The following ACACA variants were observed in gnomAD, a reference collection of about 807,000 sequenced individuals.
ACACA encodes acetyl-CoA carboxylase 1.
Under a neutral mutation model 296.1 loss-of-function variants are expected in ACACA, and 103 were observed. The observed-to-expected ratio is 0.35, with a 90% confidence interval of 0.30 to 0.41. ACACA has a LOEUF of 0.41. ACACA is among the 10% of genes least tolerant of loss of function. The pLI, the probability that ACACA is intolerant of heterozygous loss-of-function variation, is 1.00. For synonymous variants in ACACA, 953 were observed against 1,038.6 expected (o/e 0.92, Z 1.58); for missense variants, 1,554 against 2,989.7 (o/e 0.52, Z 11.20).
At chr17:37,355,183 C>T (rs931832172) in intron 1 of ACACA, among the ~76,000 whole-genome samples, 3 of 150,880 alleles carry the variant, frequency 2.0e-5, no homozygotes, top group Non-Finnish European at 1.5e-5. Flanking sequence ...GCGGTGGTTG[C>T]AGTGAGCCGA....
chr17:37,286,546 G>T (rs1466426411), intron 3 of ACACA, among the ~76,000 whole-genome samples: 3 of 152,156 alleles, frequency 2.0e-5, no homozygotes, highest in African/African-American at 7.2e-5. Flanking sequence ...AGGCAGAAAG[G>T]TAAGAAAAGG....
intron 50 of ACACA, among the ~76,000 whole-genome samples, chr17:37,115,594 CTA>C (rs1249827977): frequency 6.6e-6 from 1 of 152,124 alleles, no homozygotes; most frequent in Non-Finnish European, 1.5e-5. Context: ...ACAACAAAAT[CTA>C]TCTCTGTATT....
At position 37,205,752 on chromosome 17, in the gene ACACA, A is replaced by G. The variant is rs779216623; in HGVS notation, c.4056+13T>C. On this transcript the variant is annotated intron_variant, in intron 33 of 55. Transcript: ENST00000616317. ...AGGGGACATCACGAGCTTCCACCCAATCAAGAACTTACATTTTGCTGGGTA... is the reference window on the plus strand; with the variant it reads ...AGGGGACATCACGAGCTTCCACCCAGTCAAGAACTTACATTTTGCTGGGTA... 1.6e-5 allele frequency: 25 copies of G among 1,604,716 alleles called. No individual in the cohort carries two copies. Among genetic ancestry groups the G allele is most frequent in the Non-Finnish European group, 2.0e-5 (24 of 1,172,080 alleles).
At chr17:37,224,178 G>A (rs1451470744) in intron 27 of ACACA, among the ~76,000 whole-genome samples, 1 of 152,064 alleles carries the variant, frequency 6.6e-6, no homozygotes, top group African/African-American at 2.4e-5. Flanking sequence ...CTCCAGCCTG[G>A]GCAACAGAGT....
At chr17:37,390,242 T>A (rs1597786227) in intron 1 of ACACA, among the ~76,000 whole-genome samples, 2 of 48,612 alleles carry the variant, frequency 4.1e-5, no homozygotes, top group African/African-American at 1.3e-4. Context: ...ATATAATATA[T>A]TATATATATA....
chr17:37,272,437 GCA>G (rs1344489572), intron 9 of ACACA, among the ~76,000 whole-genome samples: 2 of 152,128 alleles, frequency 1.3e-5, no homozygotes, highest in Admixed American at 6.5e-5. Flanking sequence ...AATCTTTTAT[GCA>G]CAGTCTCACC....
At position 37,330,174 on chromosome 17, in the gene ACACA, T is replaced by C. The variant is rs148343710; in HGVS notation, c.337A>G (p.Arg113Gly). 2 of 1,614,014 alleles carry C rather than the reference T, an allele frequency of 1.2e-6. No individual in the cohort carries two copies. The highest frequency in any genetic ancestry group is 1.7e-6 in the Non-Finnish European group (2 of 1,180,040). The change falls in exon 3 of 56, where the codon AGG (arginine) becomes GGG (glycine). Residue 113 changes from arginine (R) to glycine (G), a missense_variant and splice_region_variant. Around this residue, in one of 16 missense-constraint regions of ACACA, gnomAD observed 140 missense variants for 147.7 expected, o/e 0.95. Coordinates refer to ENST00000616317, the MANE Select transcript of ACACA (RefSeq NM_198834.3). Reference sequence around the variant, plus strand: ...GTAGACCATTGAACTCTCTCTTACCTTATGTGCAAGGCCAAGCCATCCTGT... The same window carrying C: ...GTAGACCATTGAACTCTCTCTTACCCTATGTGCAAGGCCAAGCCATCCTGT... The part of the protein sequence containing the change: ...SLQDGLALHI[R>G]SSMSGLHLVK...
intron 25 of ACACA, among the ~76,000 whole-genome samples, chr17:37,232,028 T>C (rs1026332531): frequency 2.0e-5 from 3 of 152,224 alleles, no homozygotes; most frequent in African/African-American, 4.8e-5. Flanking sequence ...TTTTACCTGA[T>C]ACTTTGCTTT....
intron 1 of ACACA, chr17:37,365,567 C>T: frequency 1.0e-6 from 1 of 985,440 alleles, no homozygotes; most frequent in Non-Finnish European, 1.2e-6. Flanking sequence ...AAGTCAGTGC[C>T]TTGCCCACAA....
At chr17:37,295,680 A>G (rs2083292770) in intron 3 of ACACA, among the ~76,000 whole-genome samples, 1 of 152,014 alleles carries the variant, frequency 6.6e-6, no homozygotes, top group Non-Finnish European at 1.5e-5. Flanking sequence ...ATCCCAACAC[A>G]TTGGGAGGCT....
intron 45 of ACACA, among the ~76,000 whole-genome samples, chr17:37,137,122 A>C (rs2075367581): frequency 6.6e-6 from 1 of 152,122 alleles, no homozygotes; most frequent in Non-Finnish European, 1.5e-5. Flanking sequence ...CATGTTTTTA[A>C]TTACTGGGTT....
intron 39 of ACACA, among the ~76,000 whole-genome samples, chr17:37,184,964 C>T (rs760003869): frequency 1.3e-5 from 2 of 151,986 alleles, no homozygotes; most frequent in African/African-American, 4.8e-5. Context: ...GTAAAATAAG[C>T]TAGACACAAA....
intron 3 of ACACA, among the ~76,000 whole-genome samples, chr17:37,309,019 T>TATGTTTTTATTTACTTTGTAGA (rs2084009745): frequency 6.6e-6 from 1 of 152,226 alleles, no homozygotes; most frequent in Non-Finnish European, 1.5e-5. Context: ...GTATTTATTT[T>TATGTTTTTATTTACTTTGTAGA]ATGTTTTTAT....
intron 3 of ACACA, among the ~76,000 whole-genome samples, chr17:37,324,234 C>T (rs761643037): frequency 5.9e-5 from 9 of 151,804 alleles, no homozygotes; most frequent in Non-Finnish European, 8.8e-5. Context: ...GACGTGGTGG[C>T]GCATGCCTGT....
chr17:37,326,204 C>A, intron 3 of ACACA, among the ~76,000 whole-genome samples: 1 of 121,618 alleles, frequency 8.2e-6, no homozygotes, highest in Admixed American at 8.5e-5. Flanking sequence ...GCAAGACTGT[C>A]TCAAAAAAAA....
At position 37,351,468 on chromosome 17, in the gene ACACA, AAAAT is replaced by A. The variant is rs1320544494; in HGVS notation, c.39-11622_39-11619del. Among the ~76,000 whole-genome samples, 6 of 152,336 alleles carry A rather than the reference AAAAT, an allele frequency of 3.9e-5. No individual in the cohort carries two copies. In the South Asian group the frequency reaches 1.0e-3, roughly 26 times the overall value. The stretch of plus-strand genomic sequence containing the variant: ...GACAAAGAGTGAGACTCTGTCTCAA[AAAAT>A]AAATAAACAAATAAAATAAAATGTT... On this transcript the variant is annotated intron_variant, in intron 1 of 55. Coordinates refer to ENST00000616317, the MANE Select transcript of ACACA (RefSeq NM_198834.3).
chr17:37,388,980 T>A (rs770354299), intron 1 of ACACA, among the ~76,000 whole-genome samples: 20 of 152,174 alleles, frequency 1.3e-4, no homozygotes, highest in Non-Finnish European at 2.5e-4. Flanking sequence ...GCCTCATGTG[T>A]AAAATAAGTC....
At chr17:37,344,812 A>G (rs2147383394) in intron 1 of ACACA, among the ~76,000 whole-genome samples, 1 of 152,236 alleles carries the variant, frequency 6.6e-6, no homozygotes, top group South Asian at 2.1e-4. Context: ...AGCTAAAGAA[A>G]ATAAGGAGGA....
chr17:37,326,672 A>G (rs2047638247), intron 3 of ACACA, among the ~76,000 whole-genome samples: 1 of 151,826 alleles, frequency 6.6e-6, no homozygotes. Context: ...CTCTACTAAA[A>G]ATACAAAACA....
Sources: allele counts gnomAD v4.1 joint callset (sites outside exome capture counted in the v4.1 genomes callset), GRCh38; gene constraint gnomAD v4.1.1; regional missense constraint gnomAD v4.1.1; transcripts MANE v1.5; gene names NCBI Gene and HGNC (gene_info 2026-07-23, HGNC 2026-07-21).